The following ATF7IP2 variants were observed in gnomAD, a reference collection of about 807,000 sequenced individuals.
ATF7IP2 encodes the protein activating transcription factor 7 interacting protein 2, also known as activating transcription factor 7-interacting protein 2.
Under a neutral mutation model 64.2 loss-of-function variants are expected in ATF7IP2, and 42 were observed. That is an observed-to-expected ratio of 0.65 (90% CI 0.51 to 0.85). The LOEUF is 0.85. Among genes scored for constraint, ATF7IP2 ranks in the 40% least tolerant of loss-of-function variants. The pLI is 0.00. For synonymous variants in ATF7IP2, 308 were observed against 272.8 expected (o/e 1.13, Z -1.27); for missense variants, 933 against 784.2 (o/e 1.19, Z -2.27).
chr16:10,478,228 G>T (rs1333057464), intron 12 of ATF7IP2, among the ~76,000 whole-genome samples: 6 of 149,532 alleles, frequency 4.0e-5, no homozygotes, highest in African/African-American at 1.5e-4. Context: ...AAAGCTGGAG[G>T]CATCACACTA....
chr16:10,458,288 T>C (rs763200530), intron 9 of ATF7IP2, among the ~76,000 whole-genome samples: 1 of 152,222 alleles, frequency 6.6e-6, no homozygotes, highest in African/African-American at 2.4e-5. Context: ...AGGCATTTAG[T>C]TGATGAAGGC....
chr16:10,387,586 G>C (rs2047227432), intron 1 of ATF7IP2: 2 of 152,182 alleles, frequency 1.3e-5, no homozygotes, highest in Admixed American at 6.5e-5. Context: ...TTGGTATCTT[G>C]AAATCTGGTA....
chr16:10,438,816 A>T (rs980075839), intron 7 of ATF7IP2, among the ~76,000 whole-genome samples: 3 of 152,118 alleles, frequency 2.0e-5, no homozygotes, highest in Admixed American at 6.6e-5. Context: ...GCACTTTGGG[A>T]GGCCAAGGTG....
Position 10,480,839 on chromosome 16 carries a change from G to A in ATF7IP2, c.1550-40G>A. The A allele has an allele frequency of 2.3e-6, 3 of 1,304,158 alleles. No individual in the cohort carries two copies. In the South Asian group the frequency reaches 3.5e-5, roughly 15 times the overall value. 80.8% of individuals were successfully genotyped at this position (1,304,158 alleles called of 1,614,324 possible). On this transcript the variant is annotated intron_variant, in intron 12 of 13. Transcript: ENST00000562102. ...CTTAAAGGCTATGGAATTGATTATT[G>A]CAGATAAGATTTACTTCTTAAACCT...
At chr16:10,468,948 A>G (rs1450268224) in intron 9 of ATF7IP2, among the ~76,000 whole-genome samples, 1 of 152,214 alleles carries the variant, frequency 6.6e-6, no homozygotes, top group East Asian at 1.9e-4. Context: ...AGAGACTGCA[A>G]AGAATCTATA....
At chr16:10,422,903 A>G (rs2048014173) in intron 3 of ATF7IP2, among the ~76,000 whole-genome samples, 1 of 152,144 alleles carries the variant, frequency 6.6e-6, no homozygotes, top group Non-Finnish European at 1.5e-5. Flanking sequence ...GAATTTCCCC[A>G]TTGTAATCTG....
chr16:10,477,046 T>C (rs530657586), intron 12 of ATF7IP2, among the ~76,000 whole-genome samples: 1 of 152,316 alleles, frequency 6.6e-6, no homozygotes, highest in African/African-American at 2.4e-5. Context: ...CAAATGACAA[T>C]TTTATGATGA....
intron 2 of ATF7IP2, among the ~76,000 whole-genome samples, chr16:10,419,252 G>A (rs2047941432): frequency 6.6e-6 from 1 of 152,114 alleles, no homozygotes. Context: ...ATAGTGAGGG[G>A]GTAGGCAACT....
In ATF7IP2 at chr16:10,457,460, C is replaced by G; in HGVS notation, c.1283C>G (p.Ser428Cys). 2.5e-6 allele frequency: 4 copies of G among 1,600,354 alleles called. No homozygotes were observed. Among genetic ancestry groups the G allele is most frequent in the African/African-American group, 1.3e-5 (1 of 74,450 alleles). Residue 428 changes from serine to cysteine, a missense_variant, in exon 9 of 14, where the codon TCT becomes TGT. Physicochemically the swap from Ser to Cys is moderately radical, Grantham distance 112. Transcript: ENST00000562102. ...IEKSSVNYEP[S>C]NPSEKGSKKI... ...AAGTCTTCTGTGAATTATGAGCCTT[C>G]TAACCCTTCCGAAAAAGGAAGTAAA...
intron 1 of ATF7IP2, among the ~76,000 whole-genome samples, chr16:10,390,326 G>A (rs138715427): frequency 2.0e-5 from 3 of 152,240 alleles, no homozygotes; most frequent in African/African-American, 7.2e-5. Flanking sequence ...TTATTGCTTG[G>A]AAAGTAACAT....
chr16:10,443,769 G>A (rs2048709740), intron 8 of ATF7IP2, among the ~76,000 whole-genome samples: 1 of 152,146 alleles, frequency 6.6e-6, no homozygotes, highest in Admixed American at 6.5e-5. Flanking sequence ...AGCAACATTG[G>A]CTCCTAAACC....
chr16:10,389,170 G>A (rs1195216055), intron 1 of ATF7IP2, among the ~76,000 whole-genome samples: 1 of 152,094 alleles, frequency 6.6e-6, no homozygotes, highest in Non-Finnish European at 1.5e-5. Context: ...GGAAAGTGAA[G>A]GTTAGGTTTA....
chr16:10,449,148 C>T (rs2048905484), intron 8 of ATF7IP2: 1 of 152,126 alleles, frequency 6.6e-6, no homozygotes, highest in Non-Finnish European at 1.5e-5. Flanking sequence ...GCCCTGCATC[C>T]TAGGTATGAA....
At chr16:10,402,242 G>A (rs1048854271) in intron 1 of ATF7IP2, among the ~76,000 whole-genome samples, 6 of 151,952 alleles carry the variant, frequency 3.9e-5, no homozygotes, top group African/African-American at 9.7e-5. Context: ...TCTAAGCACT[G>A]CCTTTGCTAT....
At chr16:10,470,440 T>C (rs1212199819) in intron 9 of ATF7IP2, among the ~76,000 whole-genome samples, 2 of 152,100 alleles carry the variant, frequency 1.3e-5, no homozygotes, top group East Asian at 1.9e-4. Flanking sequence ...TCACCCCAAA[T>C]TGTATATCTA....
At chr16:10,472,910 C>T (rs887664532) in intron 10 of ATF7IP2, among the ~76,000 whole-genome samples, 2 of 151,544 alleles carry the variant, frequency 1.3e-5, no homozygotes, top group African/African-American at 2.4e-5. Flanking sequence ...ACTTTTCTCT[C>T]TCTCAAAAAT....
intron 7 of ATF7IP2, among the ~76,000 whole-genome samples, chr16:10,440,085 G>A (rs1275903295): frequency 1.2e-4 from 18 of 152,038 alleles, no homozygotes; most frequent in East Asian, 9.8e-4. Flanking sequence ...GCTTGAACCC[G>A]GGAGGCAGAG....
chr16:10,413,676 A>T (rs1024539099), intron 1 of ATF7IP2, among the ~76,000 whole-genome samples: 1 of 152,012 alleles, frequency 6.6e-6, no homozygotes, highest in African/African-American at 2.4e-5. Flanking sequence ...TGTTTCCGAG[A>T]TTTGTTTCAA....
intron 1 of ATF7IP2, among the ~76,000 whole-genome samples, chr16:10,404,874 A>AATGGG (rs1032122307): frequency 6.6e-6 from 1 of 152,124 alleles, no homozygotes; most frequent in Non-Finnish European, 1.5e-5. Flanking sequence ...AATGGGATGG[A>AATGGG]ATGGGATGGG....
Sources: gnomAD v4.1 joint callset for allele counts (sites outside exome capture counted in the v4.1 genomes callset) on GRCh38, gnomAD v4.1.1 for gene constraint, MANE v1.5 for transcripts, NCBI Gene and HGNC (gene_info 2026-07-23, HGNC 2026-07-21) for gene names.